Variants in REV3L observed in about 807,000 individuals in gnomAD.
REV3L encodes the protein REV3 like, DNA directed polymerase zeta catalytic subunit, also known as DNA polymerase zeta catalytic subunit.
A neutral mutation model predicts 299.4 loss-of-function variants in REV3L; 69 were observed. That is an observed-to-expected ratio of 0.23 (90% CI 0.19 to 0.28). The LOEUF (loss-of-function observed/expected upper bound fraction) is 0.28. Among genes scored for constraint, REV3L ranks in the 10% least tolerant of loss-of-function variants. REV3L has a pLI of 1.00. For missense variants in REV3L, 3,128 were observed against 3,693.8 expected, an observed-to-expected ratio of 0.85 and a Z score of 3.97; for synonymous variants, 1,238 against 1,271.4, an observed-to-expected ratio of 0.97 and a Z score of 0.56.
chr6:111,430,825 G>A (rs1786818715), intron 1 of REV3L: 2 of 1,608,884 alleles, frequency 1.2e-6, no homozygotes, highest in African/African-American at 2.7e-5. Context: ...GGCGGCTTGT[G>A]AACAGTCAGT....
chr6:111,357,991 T>C (rs1778272883), intron 17 of REV3L, among the ~76,000 whole-genome samples: 1 of 151,988 alleles, frequency 6.6e-6, no homozygotes, highest in South Asian at 2.1e-4. Context: ...AGCTGGTATG[T>C]GTCAGCTCAA....
intron 1 of REV3L, among the ~76,000 whole-genome samples, chr6:111,450,478 CAAAAAAAAAA>C (rs869119350): frequency 1.4e-3 from 76 of 54,108 alleles, no homozygotes; most frequent in African/African-American, 7.7e-3. Flanking sequence ...GACCCTGTCT[CAAAAAAAAAA>C]AAAAAAAAAA....
rs754072136 is a variant in REV3L at position 111,358,984 on chromosome 6, A to C, written c.6910T>G (p.Leu2304Val). 13 of 1,613,738 alleles carry C rather than the reference A, an allele frequency of 8.1e-6. No homozygotes were observed. Among genetic ancestry groups the C allele is most frequent in the Non-Finnish European group, 1.0e-5 (12 of 1,179,906 alleles). Residue 2304 changes from leucine (L) to valine (V), a missense_variant, in exon 17 of 32, where the codon TTG (leucine) becomes GTG (valine). Transcript: ENST00000368802. ...AAGTCTCGTCTAGTTCGAGCATGCA[A>C]CTCCACACTGATTAGGGTAAGATTT... ...IQNLTLISVE[L>V]HARTRRDLEP...
chr6:111,373,005 T>C lies in REV3L; in HGVS notation c.5350A>G (p.Lys1784Glu), dbSNP rs936783056. The change falls in exon 13 of 32, where the codon AAA (lysine) becomes GAA (glutamate). Residue 1784 changes from lysine to glutamate, a missense_variant. Lys to Glu is a moderately conservative substitution (Grantham distance 56). Coordinates refer to ENST00000368802, the MANE Select transcript of REV3L (RefSeq NM_001372078.1). ...KSRLNRSSVS[K>E]EVFLSLPQPN... ...TGTGGGAGGCTAAGAAACACTTCTT[T>C]GCTTACTGAACTCCTATTCAATCTA... 2 of 1,614,178 alleles carry C rather than the reference T, an allele frequency of 1.2e-6. No homozygotes were observed. The highest frequency in any genetic ancestry group is 1.3e-5 in the African/African-American group (1 of 75,060).
intron 9 of REV3L, among the ~76,000 whole-genome samples, chr6:111,383,306 G>C (rs528146522): frequency 6.6e-6 from 1 of 152,154 alleles, no homozygotes; most frequent in Non-Finnish European, 1.5e-5. Context: ...AATAAATAAA[G>C]TGCATCCAAA....
chr6:111,324,664 C>T (rs1774540896), intron 25 of REV3L, among the ~76,000 whole-genome samples: 1 of 152,084 alleles, frequency 6.6e-6, no homozygotes, highest in South Asian at 2.1e-4. Flanking sequence ...CTGAAGACCA[C>T]ATAATAAGAA....
At position 111,367,752 on chromosome 6, in the gene REV3L, G is replaced by C. The variant is rs1410242358; in HGVS notation, c.6036C>G (p.Ala2012=). The C allele has an allele frequency of 6.2e-7, 1 of 1,614,036 alleles. No individual in the cohort carries two copies. The highest frequency in any genetic ancestry group is 1.3e-5 in the African/African-American group (1 of 74,892). ...TCTTGGAACGTTCGTATTCTTCTTT[G>C]GCTTGAAGCCACACTTGAACCAGTT... ...SRQLVQVWLQ[A]KEEYERSKKL... Residue 2012 remains alanine, a synonymous_variant, in exon 14 of 32, where the codon GCC becomes GCG. Transcript: ENST00000368802.
intron 22 of REV3L, among the ~76,000 whole-genome samples, chr6:111,335,077 A>T (rs1310230001): frequency 1.3e-5 from 2 of 152,176 alleles, no homozygotes; most frequent in African/African-American, 4.8e-5. Context: ...AAAAAGTTAC[A>T]TAGTCCACTT....
chr6:111,466,461 C>A (rs540193658), intron 1 of REV3L, among the ~76,000 whole-genome samples: 1 of 152,180 alleles, frequency 6.6e-6, no homozygotes, highest in African/African-American at 2.4e-5. Context: ...TATAAATGTC[C>A]TATCAGTTTA....
At chr6:111,333,543 C>T (rs545873121) in intron 22 of REV3L, among the ~76,000 whole-genome samples, 176 bp from the exon 23 acceptor site, 3 of 151,604 alleles carry the variant, frequency 2.0e-5, no homozygotes, top group East Asian at 3.9e-4. Flanking sequence ...GGCACGATTG[C>T]GGCTCACTGC....
At chr6:111,452,458 T>A (rs1409690423) in intron 1 of REV3L, among the ~76,000 whole-genome samples, 1 of 152,150 alleles carries the variant, frequency 6.6e-6, no homozygotes, top group Middle Eastern at 3.2e-3. Context: ...ACCTAGTGAA[T>A]GGTATATCCA....
At position 111,323,978 on chromosome 6, in the gene REV3L, GATTT is replaced by G. The variant is rs201311593; in HGVS notation, c.8242-1304_8242-1301del. 9.8e-3 allele frequency among the ~76,000 whole-genome samples: 1,489 copies of G among 152,130 alleles called. 22 individuals carry two copies. Among genetic ancestry groups the G allele is most frequent in the African/African-American group, 0.034 (1,418 of 41,490 alleles). The stretch of plus-strand genomic sequence containing the variant: ...AAAACTAGTAGTAGAAACGAGTTGG[GATTT>G]ATTTATTTATTTATTCTGATTTATT... On this transcript the variant is annotated intron_variant, in intron 25 of 31. Transcript: ENST00000368802.
At chr6:111,463,092 C>T (rs1349396651) in intron 1 of REV3L, among the ~76,000 whole-genome samples, 6 of 152,182 alleles carry the variant, frequency 3.9e-5, no homozygotes, top group Non-Finnish European at 8.8e-5. Context: ...GGCATAGCTT[C>T]CTGAGCTTCA....
chr6:111,365,096 A>AG (rs1332040123), intron 15 of REV3L, among the ~76,000 whole-genome samples, 169 bp downstream of exon 15: 2 of 152,024 alleles, frequency 1.3e-5, no homozygotes, highest in Admixed American at 1.3e-4. Context: ...CATCAAAAAA[A>AG]AAACTAAAAA....
rs1353815212 is a variant in REV3L, at chr6:111,411,761, T to TA, written c.330-208dup. ...AATACTGAAGCTTTTTTAAAAAGTGTAAAAAATATCACTTTCTTTAATTAC... is the reference window on the plus strand; with the variant it reads ...AATACTGAAGCTTTTTTAAAAAGTGTAAAAAAATATCACTTTCTTTAATTAC... On this transcript the variant is annotated intron_variant, in intron 2 of 31. Coordinates refer to ENST00000368802, the MANE Select transcript of REV3L (RefSeq NM_001372078.1). Among the ~76,000 whole-genome samples, 3 of 152,256 alleles carry TA rather than the reference T, an allele frequency of 2.0e-5. No homozygotes were observed. The East Asian group carries it at 5.8e-4, about 29-fold the overall frequency.
chr6:111,408,465 A>C (rs1232534629), intron 3 of REV3L, among the ~76,000 whole-genome samples: 1 of 151,930 alleles, frequency 6.6e-6, no homozygotes, highest in Non-Finnish European at 1.5e-5. Flanking sequence ...TTAGCCAGGC[A>C]TGGTGGTGGG....
chr6:111,449,778 A>G (rs917481730), intron 1 of REV3L, among the ~76,000 whole-genome samples: 2 of 152,184 alleles, frequency 1.3e-5, no homozygotes, highest in Admixed American at 6.5e-5. Context: ...TGATATCCAG[A>G]ACACAAGGTA....
chr6:111,349,151 T>A lies in REV3L; in HGVS notation c.7419+67A>T, dbSNP rs570712739. On this transcript the variant is annotated intron_variant, in intron 20 of 31. Coordinates refer to ENST00000368802, the MANE Select transcript of REV3L (RefSeq NM_001372078.1). ...TATAGTAAATCTTACTAATACTCTA[T>A]AATGATTAAATCATTATATTGACCG... 1.3e-5 allele frequency: 11 copies of A among 835,650 alleles called. No individual in the cohort carries two copies. The East Asian group carries it at 2.7e-4, about 20-fold the overall frequency. The allele number at this position is 835,650 out of a possible 1,614,324, so 51.8% of individuals were successfully genotyped here. A position where few individuals can be genotyped will look rare whatever the true frequency, so the allele number is the denominator to read the frequency against.
At position 111,376,307 on chromosome 6, in the gene REV3L, T is replaced by C; in HGVS notation, c.2048A>G (p.Lys683Arg). Residue 683 changes from lysine (K) to arginine (R), a missense_variant, in exon 13 of 32, where the codon AAA becomes AGA. Lys to Arg is a conservative substitution (Grantham distance 26). Coordinates refer to ENST00000368802, the MANE Select transcript of REV3L (RefSeq NM_001372078.1). ...VPSRKYTNIR[K>R]IEKDSPFIHM... Reference sequence around the variant, plus strand: ...TATAAAAGGGGAATCCTTTTCGATTTTTCTAATGTTTGTATATTTTCTACT... The same window carrying C: ...TATAAAAGGGGAATCCTTTTCGATTCTTCTAATGTTTGTATATTTTCTACT... The C allele has an allele frequency of 6.2e-7, 1 of 1,613,548 alleles. No individual in the cohort carries two copies. Among genetic ancestry groups the C allele is most frequent in the Non-Finnish European group, 8.5e-7 (1 of 1,179,824 alleles).
Sources: gnomAD v4.1 joint callset for allele counts (sites outside exome capture counted in the v4.1 genomes callset) on GRCh38, gnomAD v4.1.1 for gene constraint, MANE v1.5 for transcripts, NCBI Gene and HGNC (gene_info 2026-07-23, HGNC 2026-07-21) for gene names.